Variants in CILP2 observed in about 807,000 individuals in gnomAD.
CILP2 encodes the protein CILP-2.
CILP2 carries 38 observed loss-of-function variants against 45.6 expected under a neutral mutation model. The observed-to-expected ratio is 0.83, with a 90% confidence interval of 0.64 to 1.09. The LOEUF is 1.09. CILP2 is among the 50% of genes least tolerant of loss of function. The pLI is 0.00. For synonymous variants in CILP2, 780 were observed against 723.5 expected (o/e 1.08, Z -1.25); for missense variants, 1,735 against 1,662.2 (o/e 1.04, Z -0.76).
Position 19,545,262 on chromosome 19 carries a change from A to G in CILP2, c.2717A>G (p.Lys906Arg), listed in dbSNP as rs1208567290. 1.9e-6 allele frequency: 3 copies of G among 1,612,556 alleles called. No homozygotes were observed. The Admixed American group carries it at 5.0e-5, about 27-fold the overall frequency. Residue 906 changes from lysine (K) to arginine (R), a missense_variant, in exon 8 of 8, where the codon AAG (lysine) becomes AGG (arginine). Coordinates refer to ENST00000291495, the MANE Select transcript of CILP2 (RefSeq NM_153221.2). ...CGCTTCGCCAGGGTGGAGGCGGACA[A>G]GTACGAGTACAACGTGGTCCCCTTC... ...HFRFARVEAD[K>R]YEYNVVPFRE...
chr19:19,541,416 C>A (rs979562891), intron 4 of CILP2, among the ~76,000 whole-genome samples, 170 bp downstream of exon 4: 3 of 145,072 alleles, frequency 2.1e-5, no homozygotes, highest in African/African-American at 5.2e-5. Context: ...GGCGGGGCCT[C>A]GTGGACGGGG....
chr19:19,544,091 T>G lies in CILP2; in HGVS notation c.1546T>G (p.Ser516Ala). ...QGDFTIEVPP[S>A]TQRLVVTFVD... ...CGACTTTACCATTGAGGTGCCGCCCTCCACCCAGCGGCTGGTGGTGACTTT... is the reference window on the plus strand; with the variant it reads ...CGACTTTACCATTGAGGTGCCGCCCGCCACCCAGCGGCTGGTGGTGACTTT... The change falls in exon 8 of 8, where the codon TCC becomes GCC. Residue 516 changes from serine to alanine, a missense_variant. Coordinates refer to ENST00000291495, the MANE Select transcript of CILP2 (RefSeq NM_153221.2). The G allele has an allele frequency of 6.2e-7, 1 of 1,614,002 alleles. No homozygotes were observed. The highest frequency in any genetic ancestry group is 8.5e-7 in the Non-Finnish European group (1 of 1,180,014).
At chr19:19,541,003 G>A (rs2061241487) in intron 3 of CILP2, 88 bp from the exon 4 acceptor site, 1 of 1,162,996 alleles carries the variant, frequency 8.6e-7, no homozygotes, top group African/African-American at 1.6e-5. Context: ...GAGGGGGTTG[G>A]GGAAGAAGGG....
At position 19,545,324 on chromosome 19, in the gene CILP2, C is replaced by T. The variant is rs778421920; in HGVS notation, c.2779C>T (p.Leu927=). Residue 927 remains leucine, a synonymous_variant, in exon 8 of 8, where the codon CTG becomes TTG. Coordinates refer to ENST00000291495, the MANE Select transcript of CILP2 (RefSeq NM_153221.2). ...ACCTGCCTCCTGGACTGGCGATCTC[C>T]TGGCCTGGTGGCCCAACCCGCAGGA... ...GTPASWTGDL[L]AWWPNPQEFR... The T allele has an allele frequency of 6.2e-7, 1 of 1,612,640 alleles. No individual in the cohort carries two copies. Among genetic ancestry groups the T allele is most frequent in the South Asian group, 1.1e-5 (1 of 91,000 alleles).
chr19:19,539,639 AG>A, intron 1 of CILP2, 39 bp from the exon 2 acceptor site: 1 of 1,433,012 alleles, frequency 7.0e-7, no homozygotes, highest in Non-Finnish European at 9.5e-7. Flanking sequence ...GGTCCCCATC[AG>A]TAGCAGCGTG....
At chr19:19,543,491 C>T in intron 7 of CILP2, 86 bp downstream of exon 7, 1 of 1,510,714 alleles carries the variant, frequency 6.6e-7, no homozygotes, top group South Asian at 1.2e-5. Context: ...AATGGAGCCC[C>T]CACTTCAGAC....
At position 19,544,292 on chromosome 19, in the gene CILP2, G is replaced by C. The variant is rs772909721; in HGVS notation, c.1747G>C (p.Glu583Gln). The C allele has an allele frequency of 7.4e-6, 12 of 1,613,088 alleles. No homozygotes were observed. Among genetic ancestry groups the C allele is most frequent in the Middle Eastern group, 1.6e-4 (1 of 6,084 alleles). Residue 583 changes from glutamate to glutamine, a missense_variant, in exon 8 of 8, where the codon GAG becomes CAG. Physicochemically the swap from Glu to Gln is conservative, Grantham distance 29. Transcript: ENST00000291495. ...GELEDEAPLGELVLPSGAFRR... is the reference protein window; with the variant it reads ...GELEDEAPLGQLVLPSGAFRR... ...GCTGGAAGATGAGGCGCCCCTGGGC[G>C]AGCTGGTCCTGCCTTCTGGCGCTTT...
chr19:19,546,102 C>A lies in CILP2; in HGVS notation c.*86C>A. On this transcript the variant is annotated 3_prime_UTR_variant, in exon 8 of 8. Coordinates refer to ENST00000291495, the MANE Select transcript of CILP2 (RefSeq NM_153221.2). ...GCCCCTCCTTCTTCTCCAGACAGCCCCCTCCCCAGGTGTCTGGGTCCCCTT... is the reference window on the plus strand; with the variant it reads ...GCCCCTCCTTCTTCTCCAGACAGCCACCTCCCCAGGTGTCTGGGTCCCCTT... 4 of 1,176,682 alleles carry A rather than the reference C, an allele frequency of 3.4e-6. No individual in the cohort carries two copies. The South Asian group carries it at 8.7e-5, about 26-fold the overall frequency. 72.9% of individuals were successfully genotyped at this position (1,176,682 alleles called of 1,614,324 possible). A position where few individuals can be genotyped will look rare whatever the true frequency, so the allele number is the denominator to read the frequency against.
Position 19,545,279 on chromosome 19 carries a change from G to T in CILP2, c.2734G>T (p.Val912Phe). Residue 912 changes from valine to phenylalanine, a missense_variant, in exon 8 of 8, where the codon GTC becomes TTC. Physicochemically the swap from Val to Phe is conservative, Grantham distance 50 (BLOSUM62 -1). Transcript: ENST00000291495. Reference protein sequence around the residue: ...VEADKYEYNVVPFREGTPASW... With the variant: ...VEADKYEYNVFPFREGTPASW... ...GGCGGACAAGTACGAGTACAACGTG[G>T]TCCCCTTCCGAGAGGGCACACCTGC... is the stretch of plus-strand genomic sequence containing the variant. 6.2e-7 allele frequency: 1 copy of T among 1,612,946 alleles called. No individual in the cohort carries two copies.
Position 19,544,997 on chromosome 19 carries a change from C to T in CILP2, c.2452C>T (p.Leu818=). 1 of 1,600,616 alleles carries T rather than the reference C, an allele frequency of 6.2e-7. No individual in the cohort carries two copies. Among genetic ancestry groups the T allele is most frequent in the Non-Finnish European group, 8.5e-7 (1 of 1,178,304 alleles). Residue 818 remains leucine, a synonymous_variant, in exon 8 of 8, where the codon CTG becomes TTG. Transcript: ENST00000291495. ...CACCGCCACCCTGGGCGGCGAGGAG[C>T]TGGAGCCGGCCCCTTCCTTGCCCCG... is the stretch of plus-strand genomic sequence containing the variant. ...LVTATLGGEE[L]EPAPSLPRPL... is the part of the protein sequence containing the mutation.
rs756041640 is a variant in CILP2 at position 19,540,320 on chromosome 19, C to T, written c.280C>T (p.Leu94=). ...YGPARVCPRP[L]ALEARTTDWA... is the part of the protein sequence containing the mutation. ...GCCAGCGCGCGTGTGCCCGCGACCG[C>T]TGGCGCTGGAAGCGCGCACCACGGA... Residue 94 remains leucine, a synonymous_variant, in exon 3 of 8, where the codon CTG becomes TTG. Transcript: ENST00000291495. The T allele has an allele frequency of 1.9e-6, 3 of 1,579,686 alleles. No homozygotes were observed. Among genetic ancestry groups the T allele is most frequent in the Non-Finnish European group, 2.6e-6 (3 of 1,167,932 alleles).
rs759825110 is a variant in CILP2, at chr19:19,540,226, G to A, written c.186G>A (p.Trp62Ter). The change falls in exon 3 of 8, where the codon TGG (tryptophan) becomes TGA (stop). Residue 62 changes from tryptophan to a stop codon, truncating the protein, a stop_gained. Transcript: ENST00000291495. LOFTEE classifies it high-confidence loss of function. ...DWEEASEWTS[W>*]FNVDHPGGDG... Reference sequence around the variant, plus strand: ...CAGAGGCCAGCGAGTGGACGTCCTGGTTCAACGTGGACCACCCCGGAGGCG... The same window carrying A: ...CAGAGGCCAGCGAGTGGACGTCCTGATTCAACGTGGACCACCCCGGAGGCG... The A allele has an allele frequency of 1.9e-6, 3 of 1,598,396 alleles. No homozygotes were observed. Among genetic ancestry groups the A allele is most frequent in the Non-Finnish European group, 2.6e-6 (3 of 1,175,388 alleles).
chr19:19,542,500 A>G lies in CILP2; in HGVS notation c.718A>G (p.Ser240Gly). ...AGACCAGCCTGGCACTGTGGCCACC[A>G]GCGATGCTCACGGAACCTTCCGGGT... ...LRDQPGTVATSDAHGTFRVPG... is the reference protein window; with the variant it reads ...LRDQPGTVATGDAHGTFRVPG... Residue 240 changes from serine to glycine, a missense_variant, in exon 5 of 8, where the codon AGC becomes GGC. Transcript: ENST00000291495. 6.2e-7 allele frequency: 1 copy of G among 1,613,922 alleles called. No homozygotes were observed. Among genetic ancestry groups the G allele is most frequent in the Non-Finnish European group, 8.5e-7 (1 of 1,180,036 alleles).
At chr19:19,539,622 T>C in intron 1 of CILP2, 57 bp from the exon 2 acceptor site, 3 of 1,166,730 alleles carry the variant, frequency 2.6e-6, no homozygotes, top group Non-Finnish European at 3.6e-6. Flanking sequence ...AAAAGGAGGC[T>C]CCCAGCGGTC....
In CILP2 at chr19:19,545,552, C is replaced by T. The variant is rs751122502; in HGVS notation, c.3007C>T (p.Arg1003Trp). The change falls in exon 8 of 8, where the codon CGG becomes TGG. Residue 1003 changes from arginine to tryptophan, a missense_variant. Transcript: ENST00000291495. ...FKCSGMLFDQRQVDRTLVTIM... is the reference protein window; with the variant it reads ...FKCSGMLFDQWQVDRTLVTIM... ...GTGCAGCGGGATGCTGTTCGACCAG[C>T]GGCAGGTGGACAGGACGCTGGTGAC... The T allele has an allele frequency of 6.2e-7, 1 of 1,612,046 alleles. No homozygotes were observed. The highest frequency in any genetic ancestry group is 2.2e-5 in the East Asian group (1 of 44,836).
chr19:19,544,496 G>GGCCCCACCTGCAGCT lies in CILP2; in HGVS notation c.1953_1954insCCCACCTGCAGCTGC (p.Gly651_Ser652insProThrCysSerCys). 1.2e-6 allele frequency: 2 copies of GGCCCCACCTGCAGCT among 1,603,520 alleles called. No individual in the cohort carries two copies. Reference sequence around the variant, plus strand: ...GTTCTCCGTGGACCTCCGTGCGCCCGGCTCCGCGGAGCAGCTGCAGGTGGG... The same window carrying GGCCCCACCTGCAGCT: ...GTTCTCCGTGGACCTCCGTGCGCCCGGCCCCACCTGCAGCTGCTCCGCGGAGCAGCTGCAGGTGGG... On this transcript the variant is annotated inframe_insertion, in exon 8 of 8. Coordinates refer to ENST00000291495, the MANE Select transcript of CILP2 (RefSeq NM_153221.2).
At chr19:19,542,760 G>A (rs1163448923) in intron 5 of CILP2, 104 bp from the exon 6 acceptor site, 2 of 1,579,020 alleles carry the variant, frequency 1.3e-6, no homozygotes, top group Non-Finnish European at 1.7e-6. Flanking sequence ...ATTGGCGAAG[G>A]CACAGAGTGA....
intron 4 of CILP2, 61 bp from the exon 5 acceptor site, chr19:19,542,314 G>A: frequency 2.0e-6 from 3 of 1,525,484 alleles, no homozygotes; most frequent in Non-Finnish European, 1.8e-6. Context: ...TGAATGGAAA[G>A]CCCTCCTCAG....
intron 3 of CILP2, 133 bp from the exon 4 acceptor site, chr19:19,540,958 C>CG (rs2061241319): frequency 2.3e-6 from 2 of 857,912 alleles, no homozygotes; most frequent in African/African-American, 3.5e-5. Flanking sequence ...GGCAGATCTG[C>CG]TCTCTGGAGT....
Sources: gnomAD v4.1 joint callset for allele counts (sites outside exome capture counted in the v4.1 genomes callset) on GRCh38, gnomAD v4.1.1 for gene constraint, MANE v1.5 for transcripts, NCBI Gene and HGNC (gene_info 2026-07-23, HGNC 2026-07-21) for gene names.